GRIP1: variants seen among roughly 807,000 people sequenced by gnomAD.
The protein encoded by GRIP1 is glutamate receptor-interacting protein 1.
A neutral mutation model predicts 129.9 loss-of-function variants in GRIP1; 45 were observed. The ratio of observed to expected loss-of-function variants is 0.35; its 90% CI spans 0.27 to 0.44. GRIP1 has a LOEUF of 0.44. Among genes scored for constraint, GRIP1 ranks in the 20% least tolerant of loss-of-function variants. GRIP1 has a pLI of 1.00. For synonymous variants in GRIP1, 530 were observed against 520.8 expected, an observed-to-expected ratio of 1.02 and a Z score of -0.24; for missense variants, 1,196 against 1,396.8, an observed-to-expected ratio of 0.86 and a Z score of 2.29.
At position 66,451,383 on chromosome 12, in the gene GRIP1, G is replaced by GTTTTTTTTTTTTTTTTTTTTT. The variant is rs1169331519; in HGVS notation, c.1354+4005_1354+4025dup. On this transcript the variant is annotated intron_variant, in intron 11 of 24. Transcript: ENST00000359742. ...CCCCAAAGATTTATTATTATAATCT[G>GTTTTTTTTTTTTTTTTTTTTT]TTTTTTTTTTTTTTTTTTTTTTTTT... 5.2e-4 allele frequency among the ~76,000 whole-genome samples: 22 copies of GTTTTTTTTTTTTTTTTTTTTT among 42,650 alleles called. 8 individuals carry two copies. The highest frequency in any genetic ancestry group is 1.6e-3 in the South Asian group (2 of 1,276). 28.0% of individuals were successfully genotyped at this position (42,650 alleles called of 152,430 possible). A position where few individuals can be genotyped will look rare whatever the true frequency, so the allele number is the denominator to read the frequency against.
At chr12:66,688,883 T>C (rs2034878253) in intron 1 of GRIP1, among the ~76,000 whole-genome samples, 1 of 151,722 alleles carries the variant, frequency 6.6e-6, no homozygotes. Flanking sequence ...TGAAAAACCA[T>C]GGAAAAGATA....
chr12:66,913,009 A>G (rs1315658907), intron 1 of GRIP1, among the ~76,000 whole-genome samples: 1 of 152,146 alleles, frequency 6.6e-6, no homozygotes, highest in Non-Finnish European at 1.5e-5. Flanking sequence ...TGCAAAATTA[A>G]CACTCCATTA....
At chr12:66,817,164 T>C (rs11176434) in intron 1 of GRIP1, among the ~76,000 whole-genome samples, 4,065 of 151,222 alleles carry the variant, frequency 0.027, 186 homozygotes, top group African/African-American at 0.094. Flanking sequence ...AGCAAACTTG[T>C]TTCATCACAG....
chr12:66,503,072 T>A (rs1279041944), intron 7 of GRIP1, among the ~76,000 whole-genome samples: 1 of 152,098 alleles, frequency 6.6e-6, no homozygotes, highest in Admixed American at 6.5e-5. Flanking sequence ...CAGCAGCCAG[T>A]GCACCAGGGA....
chr12:66,736,346 ATTTTT>A (rs547706592), intron 1 of GRIP1, among the ~76,000 whole-genome samples: 2 of 67,020 alleles, frequency 3.0e-5, no homozygotes, highest in Non-Finnish European at 2.7e-5. Context: ...TGCCTGGCTA[ATTTTT>A]TTTTTTTTTT....
At chr12:66,650,377 T>G (rs1014417109) in intron 1 of GRIP1, among the ~76,000 whole-genome samples, 1 of 152,208 alleles carries the variant, frequency 6.6e-6, no homozygotes, top group Non-Finnish European at 1.5e-5. Context: ...AAATAAAGTA[T>G]GTTTTATGAA....
chr12:66,381,525 C>G (rs1565683839), intron 19 of GRIP1, among the ~76,000 whole-genome samples: 1 of 152,154 alleles, frequency 6.6e-6, no homozygotes, highest in Non-Finnish European at 1.5e-5. Context: ...TGGTTTCAAC[C>G]CTCAACCTTT....
At position 66,709,265 on chromosome 12, in the gene GRIP1, T is replaced by C. The variant is rs528969247; in HGVS notation, c.-419-78929A>G. 3.9e-5 allele frequency among the ~76,000 whole-genome samples: 6 copies of C among 152,072 alleles called. No homozygotes were observed. The South Asian group carries it at 1.2e-3, about 32-fold the overall frequency. ...GAAAAATGTTTTTGCTCAGTGTGTTTTTATCAGTAACTTCAAAGAAAACTT... is the reference window on the plus strand; with the variant it reads ...GAAAAATGTTTTTGCTCAGTGTGTTCTTATCAGTAACTTCAAAGAAAACTT... On this transcript the variant is annotated intron_variant, in intron 1 of 4. Transcript: ENST00000538373.
At chr12:66,534,533 T>C (rs548262955) in intron 4 of GRIP1, among the ~76,000 whole-genome samples, 4 of 152,198 alleles carry the variant, frequency 2.6e-5, no homozygotes, top group Non-Finnish European at 5.9e-5. Context: ...ATATGGCTTA[T>C]AAGGCCATAT....
chr12:66,479,812 C>T (rs959011937), intron 7 of GRIP1, among the ~76,000 whole-genome samples: 3 of 151,810 alleles, frequency 2.0e-5, no homozygotes, highest in African/African-American at 2.4e-5. Context: ...GAACCAATGA[C>T]AAAAACCACA....
At chr12:66,525,192 T>C (rs7973517) in intron 5 of GRIP1, among the ~76,000 whole-genome samples, 71,979 of 151,966 alleles carry the variant, frequency 0.47, 17,294 homozygotes, top group African/African-American at 0.56. Flanking sequence ...AGGTTTGCAT[T>C]ATCCTGATAC....
chr12:66,580,628 C>T (rs2063338058), intron 2 of GRIP1, among the ~76,000 whole-genome samples: 1 of 147,342 alleles, frequency 6.8e-6, no homozygotes, highest in Non-Finnish European at 1.5e-5. Flanking sequence ...ATAAAACAGA[C>T]TTTAAACCAA....
chr12:66,466,360 A>G (rs2059285823), intron 7 of GRIP1, among the ~76,000 whole-genome samples: 1 of 152,202 alleles, frequency 6.6e-6, no homozygotes, highest in Non-Finnish European at 1.5e-5. Flanking sequence ...GCCTAGAATA[A>G]TGATTAGCAC....
At chr12:67,062,566 CT>C (rs2043553906) in intron 1 of GRIP1, among the ~76,000 whole-genome samples, 1 of 152,140 alleles carries the variant, frequency 6.6e-6, no homozygotes, top group South Asian at 2.1e-4. Context: ...CAATCAACCC[CT>C]CTTCTCTGCT....
At chr12:66,907,401 T>C (rs1298477135) in intron 1 of GRIP1, among the ~76,000 whole-genome samples, 1 of 152,198 alleles carries the variant, frequency 6.6e-6, no homozygotes, top group Non-Finnish European at 1.5e-5. Flanking sequence ...TGCTCATATG[T>C]ATTTTATGAA....
At chr12:66,421,920 G>A (rs10784531) in intron 14 of GRIP1, among the ~76,000 whole-genome samples, 76,468 of 151,846 alleles carry the variant, frequency 0.5, 21,473 homozygotes, top group Non-Finnish European at 0.63. Flanking sequence ...AAAAATCTTG[G>A]ATTAGAGGTT....
rs558817996 is a variant in GRIP1, at chr12:66,495,345, T to C, written c.724+20274A>G. ...AGCAGGAGGGAGCCAGACAGCTTTC[T>C]AGTGTATCATCAGTTAGATTTGCAT... On this transcript the variant is annotated intron_variant, in intron 7 of 24. Coordinates refer to ENST00000359742, the MANE Select transcript of GRIP1 (RefSeq NM_001366722.1). 2.1e-4 allele frequency among the ~76,000 whole-genome samples: 32 copies of C among 152,348 alleles called. 1 individual carries two copies. In the South Asian group the frequency reaches 5.8e-3, roughly 28 times the overall value.
intron 1 of GRIP1, among the ~76,000 whole-genome samples, chr12:66,826,278 A>T (rs2039410765): frequency 6.6e-6 from 1 of 152,082 alleles, no homozygotes; most frequent in Non-Finnish European, 1.5e-5. Flanking sequence ...CAGGGAGGGG[A>T]ACATCACACA....
intron 7 of GRIP1, among the ~76,000 whole-genome samples, chr12:66,489,108 C>A (rs12366588): frequency 6.6e-6 from 1 of 152,088 alleles, no homozygotes; most frequent in Admixed American, 6.5e-5. Flanking sequence ...GGGCTCCTTC[C>A]TAACTCATTC....
Sources: gnomAD v4.1 joint callset for allele counts (sites outside exome capture counted in the v4.1 genomes callset) on GRCh38, gnomAD v4.1.1 for gene constraint, MANE v1.5 for transcripts, NCBI Gene and HGNC (gene_info 2026-07-23, HGNC 2026-07-21) for gene names.